CACNB1: variants seen among roughly 807,000 people sequenced by gnomAD.
The protein encoded by CACNB1 is voltage-dependent L-type calcium channel subunit beta-1.
Under a neutral mutation model 71.6 loss-of-function variants are expected in CACNB1, and 29 were observed. That is an observed-to-expected ratio of 0.40 (90% CI 0.30 to 0.55). CACNB1 has a LOEUF of 0.55. Among genes scored for constraint, CACNB1 ranks in the 20% least tolerant of loss-of-function variants. The probability of loss-of-function intolerance (pLI) is 0.38; values close to 1 mark genes in which losing one functional copy is unlikely to be tolerated. For synonymous variants in CACNB1, 300 were observed against 319.6 expected, an observed-to-expected ratio of 0.94 and a Z score of 0.65; for missense variants, 623 against 801.8, an observed-to-expected ratio of 0.78 and a Z score of 2.69.
chr17:39,177,006 G>T, intron 13 of CACNB1: 1 of 732,352 alleles, frequency 1.4e-6, no homozygotes, highest in Non-Finnish European at 2.0e-6. Context: ...GTCCTTCCTA[G>T]TCCCTTGTCT....
At position 39,184,013 on chromosome 17, in the gene CACNB1, C is replaced by G; in HGVS notation, c.898+18G>C. 1 of 1,585,502 alleles carries G rather than the reference C, an allele frequency of 6.3e-7. No homozygotes were observed. Among genetic ancestry groups the G allele is most frequent in the Non-Finnish European group, 8.7e-7 (1 of 1,154,252 alleles). The stretch of plus-strand genomic sequence containing the variant: ...CCGGCCCAGAAAGGGGGAGTGAAGA[C>G]AGCAGGAGTAGGCTCACCCAGGCTG... On this transcript the variant is annotated intron_variant, in intron 10 of 13. Transcript: ENST00000394303.
chr17:39,177,824 CTT>C (rs2045626176), intron 12 of CACNB1, among the ~76,000 whole-genome samples, 158 bp downstream of exon 12: 1 of 152,138 alleles, frequency 6.6e-6, no homozygotes, highest in South Asian at 2.1e-4. Flanking sequence ...TGAACCCAGT[CTT>C]TGACTGACGG....
At position 39,175,735 on chromosome 17, in the gene CACNB1, T is replaced by A; in HGVS notation, c.1333-78A>T. The A allele has an allele frequency of 8.3e-7, 1 of 1,205,062 alleles. No individual in the cohort carries two copies. Among genetic ancestry groups the A allele is most frequent in the Non-Finnish European group, 1.2e-6 (1 of 861,242 alleles). The allele number at this position is 1,205,062 out of a possible 1,614,324, so 74.6% of individuals were successfully genotyped here. A position where few individuals can be genotyped will look rare whatever the true frequency, so the allele number is the denominator to read the frequency against. On this transcript the variant is annotated intron_variant, in intron 13 of 13. Transcript: ENST00000394303. This position sits in a 1 kb window ranked among gnomAD's most constrained non-coding sequence, Gnocchi z 4.7. Reference sequence around the variant, plus strand: ...AACACAACAAAGCAAGGCAAGTTAGTGACAGCATTAAGAGGTCCGGCCTGG... The same window carrying A: ...AACACAACAAAGCAAGGCAAGTTAGAGACAGCATTAAGAGGTCCGGCCTGG...
At chr17:39,184,469 C>T in intron 8 of CACNB1, 86 bp from the exon 9 acceptor site, 2 of 788,902 alleles carry the variant, frequency 2.5e-6, no homozygotes, top group Non-Finnish European at 4.4e-6. Flanking sequence ...GTATTTGTAC[C>T]CTCACGTTCC....
At chr17:39,196,210 C>T (rs2046198044) in intron 1 of CACNB1, among the ~76,000 whole-genome samples, 1 of 152,066 alleles carries the variant, frequency 6.6e-6, no homozygotes, top group Non-Finnish European at 1.5e-5. Context: ...GAGGAGGGCC[C>T]CTGGGGACCT....
At chr17:39,191,874 C>A (rs546386928) in intron 2 of CACNB1, 2 of 442,274 alleles carry the variant, frequency 4.5e-6, no homozygotes, top group Non-Finnish European at 8.0e-6. Flanking sequence ...GGGTGGGAAC[C>A]TGATAGGGGC....
At chr17:39,177,315 C>G in intron 13 of CACNB1, 35 bp downstream of exon 13, 10 of 1,612,028 alleles carry the variant, frequency 6.2e-6, no homozygotes, top group Non-Finnish European at 8.5e-6. Flanking sequence ...GCCCCAGAAG[C>G]CGAGGTTTCT....
At chr17:39,196,573 G>T (rs1157312699) in intron 1 of CACNB1, among the ~76,000 whole-genome samples, 3 of 152,244 alleles carry the variant, frequency 2.0e-5, no homozygotes, top group Non-Finnish European at 1.5e-5. Flanking sequence ...CACTCCCAAA[G>T]AAATCCCCTG....
At position 39,193,279 on chromosome 17, in the gene CACNB1, C is replaced by T. The variant is rs1361232550; in HGVS notation, c.171+1605G>A. 2.5e-5 allele frequency: 8 copies of T among 318,624 alleles called. No homozygotes were observed. In the East Asian group the frequency reaches 6.9e-4, roughly 27 times the overall value. 19.7% of individuals were successfully genotyped at this position (318,624 alleles called of 1,614,324 possible). A position where few individuals can be genotyped will look rare whatever the true frequency, so the allele number is the denominator to read the frequency against. ...ACACATGTAGGCATGCGCACACATA[C>T]ACACACATATGCAGACACATGTACG... On this transcript the variant is annotated intron_variant, in intron 2 of 13. Transcript: ENST00000394303.
Position 39,194,793 on chromosome 17 carries a change from G to C in CACNB1, c.171+91C>G. 1.2e-6 allele frequency: 1 copy of C among 833,862 alleles called. No individual in the cohort carries two copies. Among genetic ancestry groups the C allele is most frequent in the South Asian group, 1.6e-5 (1 of 62,654 alleles). The allele number at this position is 833,862 out of a possible 1,614,324, so 51.7% of individuals were successfully genotyped here. A position where few individuals can be genotyped will look rare whatever the true frequency, so the allele number is the denominator to read the frequency against. On this transcript the variant is annotated intron_variant, in intron 2 of 13. Transcript: ENST00000394303. This position sits in a 1 kb window ranked among gnomAD's most constrained non-coding sequence, Gnocchi z 4.6. ...GGCAGGTGACAAATGGCACAGGGAA[G>C]GGTGCCTGGACAATACCGCAGACCT...
At chr17:39,177,075 C>T in intron 13 of CACNB1, 2 of 1,377,706 alleles carry the variant, frequency 1.5e-6, no homozygotes, top group Non-Finnish European at 1.9e-6. Context: ...CCTATGGCAC[C>T]AGGCCCAGGA....
chr17:39,187,171 C>T (rs1378496486), intron 4 of CACNB1: 2 of 602,348 alleles, frequency 3.3e-6, no homozygotes, highest in African/African-American at 3.7e-5. Context: ...TCTGAGAGTC[C>T]TTCTCCCCAT....
chr17:39,192,335 A>C (rs1006417551), intron 2 of CACNB1: 3 of 152,466 alleles, frequency 2.0e-5, no homozygotes, highest in African/African-American at 7.2e-5. Flanking sequence ...ACAATGACCA[A>C]CCCAGAGCAC....
chr17:39,182,744 T>TC (rs1207169726), intron 11 of CACNB1: 50 of 146,746 alleles, frequency 3.4e-4, no homozygotes, highest in African/African-American at 4.7e-4. Flanking sequence ...AATAAATAAA[T>TC]AAATCAGAGA....
At position 39,184,117 on chromosome 17, in the gene CACNB1, G is replaced by A. The variant is rs2045865636; in HGVS notation, c.812C>T (p.Ala271Val). The stretch of plus-strand genomic sequence containing the variant: ...TGAGCGCTTAGCCAGGGAAATATCT[G>A]CCGTCACACGAGTGATGGAGATCCT... ...DGRISITRVT[A>V]DISLAKRSVL... Residue 271 changes from alanine to valine, a missense_variant, in exon 10 of 14, where the codon GCA becomes GTA. Coordinates refer to ENST00000394303, the MANE Select transcript of CACNB1 (RefSeq NM_000723.5). The A allele has an allele frequency of 1.2e-6, 2 of 1,612,586 alleles. No individual in the cohort carries two copies. The highest frequency in any genetic ancestry group is 1.7e-6 in the Non-Finnish European group (2 of 1,178,746).
At chr17:39,182,087 G>A (rs1223591411) in intron 11 of CACNB1, among the ~76,000 whole-genome samples, 2 of 152,002 alleles carry the variant, frequency 1.3e-5, no homozygotes, top group Non-Finnish European at 2.9e-5. Context: ...CTGGAACCCA[G>A]GAGGCGGAGG....
intron 11 of CACNB1, 97 bp downstream of exon 11, chr17:39,183,616 T>G: frequency 1.0e-6 from 1 of 990,796 alleles, no homozygotes; most frequent in Non-Finnish European, 1.5e-6. Flanking sequence ...TCAGGCAGAT[T>G]AATTCACGTA....
In CACNB1 at chr17:39,197,578, A is replaced by T. The variant is rs569551130; in HGVS notation, c.-83T>A. ...GGGAGAGGCCGTGGGAGCCGAAAGC[A>T]GCGCGGCGCAGCCAGCACCCGGTCC... On this transcript the variant is annotated 5_prime_UTR_variant, in exon 1 of 14. Coordinates refer to ENST00000394303, the MANE Select transcript of CACNB1 (RefSeq NM_000723.5). 3.7e-4 allele frequency: 391 copies of T among 1,065,466 alleles called. No homozygotes were observed. In the African/African-American group the frequency reaches 6.1e-3, roughly 17 times the overall value. The allele number at this position is 1,065,466 out of a possible 1,614,324, so 66.0% of individuals were successfully genotyped here. A position where few individuals can be genotyped will look rare whatever the true frequency, so the allele number is the denominator to read the frequency against.
intron 6 of CACNB1, 51 bp from the exon 7 acceptor site, chr17:39,185,201 G>GCCCACACCCAACCCC: frequency 6.9e-7 from 1 of 1,445,612 alleles, no homozygotes; most frequent in Non-Finnish European, 9.7e-7. Context: ...GAGGGAAGGG[G>GCCCACACCCAACCCC]ACCCAGGCAG....
Sources: allele counts gnomAD v4.1 joint callset (sites outside exome capture counted in the v4.1 genomes callset), GRCh38; gene constraint gnomAD v4.1.1; non-coding constraint Gnocchi (gnomAD v3.1); transcripts MANE v1.5; gene names NCBI Gene and HGNC (gene_info 2026-07-23, HGNC 2026-07-21).